The following JADE2 variants were observed in gnomAD, a reference collection of about 807,000 sequenced individuals.
The protein encoded by JADE2 is jade family PHD finger 2.
In JADE2, 13 loss-of-function variants were observed where a neutral mutation model predicts 85.7. The ratio of observed to expected loss-of-function variants is 0.15; its 90% CI spans 0.10 to 0.24. The LOEUF (loss-of-function observed/expected upper bound fraction) is 0.24, where lower values mean the gene tolerates loss of function less well. Among genes scored for constraint, JADE2 ranks in the 10% least tolerant of loss-of-function variants. The pLI is 1.00. For synonymous variants in JADE2, 440 were observed against 456.1 expected, an observed-to-expected ratio of 0.96 and a Z score of 0.45; for missense variants, 846 against 1,115.9, an observed-to-expected ratio of 0.76 and a Z score of 3.45.
rs1426563632 is a variant in JADE2 at position 134,562,826 on chromosome 5, G to T, written c.852+459G>T. On this transcript the variant is annotated intron_variant, in intron 7 of 11. Coordinates refer to ENST00000681547, the MANE Select transcript of JADE2 (RefSeq NM_001388185.1). This position sits in a 1 kb window ranked among gnomAD's most constrained non-coding sequence, Gnocchi z 4.6. ...GGTGATGGGCCAGCAAAGAATCCAGGCCGCAGCTATAGGGAGCTTTGCTTG... is the reference window on the plus strand; with the variant it reads ...GGTGATGGGCCAGCAAAGAATCCAGTCCGCAGCTATAGGGAGCTTTGCTTG... 1.3e-5 allele frequency among the ~76,000 whole-genome samples: 2 copies of T among 152,154 alleles called. No individual in the cohort carries two copies. Among genetic ancestry groups the T allele is most frequent in the Non-Finnish European group, 2.9e-5 (2 of 68,016 alleles).
Position 134,562,117 on chromosome 5 carries a change from G to A in JADE2, c.685-83G>A, listed in dbSNP as rs532670530. 195 of 1,364,710 alleles carry A rather than the reference G, an allele frequency of 1.4e-4. No individual in the cohort carries two copies. The African/African-American group carries it at 2.5e-3, about 17-fold the overall frequency. The allele number at this position is 1,364,710 out of a possible 1,614,324, so 84.5% of individuals were successfully genotyped here. A position where few individuals can be genotyped will look rare whatever the true frequency, so the allele number is the denominator to read the frequency against. On this transcript the variant is annotated intron_variant, in intron 6 of 11. Transcript: ENST00000681547. This position sits in a 1 kb window ranked among gnomAD's most constrained non-coding sequence, Gnocchi z 4.6. Reference sequence around the variant, plus strand: ...TGTGTAGCAGTGTAGCATGGGGCTGGCACTGGACCAAATGCAGCTGACTGC... The same window carrying A: ...TGTGTAGCAGTGTAGCATGGGGCTGACACTGGACCAAATGCAGCTGACTGC...
chr5:134,526,849 T>G, intron 1 of JADE2: 3 of 786,330 alleles, frequency 3.8e-6, no homozygotes, highest in Non-Finnish European at 4.6e-6. Context: ...GTAGTCCAGC[T>G]GGGGAGAGGC....
At chr5:134,573,340 C>G (rs2150014573) in intron 9 of JADE2, among the ~76,000 whole-genome samples, 1 of 152,258 alleles carries the variant, frequency 6.6e-6, no homozygotes, top group South Asian at 2.1e-4. Context: ...AGGTAAGACT[C>G]AGAGGAGGAA....
intron 1 of JADE2, among the ~76,000 whole-genome samples, chr5:134,531,883 C>CTTTTTTTT (rs1160758941): frequency 0.02 from 788 of 38,490 alleles, 217 homozygotes; most frequent in Middle Eastern, 0.062. Context: ...CCGTGCCTGG[C>CTTTTTTTT]TTTTTTTTTT....
intron 1 of JADE2, chr5:134,526,799 G>A: frequency 1.1e-5 from 11 of 976,430 alleles, no homozygotes; most frequent in Non-Finnish European, 1.3e-5. Flanking sequence ...CAGGGGTGAG[G>A]ACTGGGGTCG....
Position 134,535,852 on chromosome 5 carries a change from T to C in JADE2, c.1-6T>C. The C allele has an allele frequency of 1.2e-6, 2 of 1,613,968 alleles. No individual in the cohort carries two copies. The highest frequency in any genetic ancestry group is 1.7e-6 in the Non-Finnish European group (2 of 1,179,838). The stretch of plus-strand genomic sequence containing the variant: ...GTGAGTATAATGGGCTTGCCTTTTG[T>C]TGCAGATGGAAGAGAAGAGGCGAAA... On this transcript the variant is annotated splice_region_variant and splice_polypyrimidine_tract_variant and intron_variant, in intron 1 of 11. Transcript: ENST00000681547.
intron 1 of JADE2, among the ~76,000 whole-genome samples, chr5:134,531,064 T>C (rs1214370585): frequency 1.3e-5 from 2 of 152,140 alleles, no homozygotes; most frequent in African/African-American, 4.8e-5. Flanking sequence ...CCGTGGACAC[T>C]GGGTGGTGAA....
chr5:134,573,606 G>A (rs763415133), intron 9 of JADE2, 39 bp from the exon 10 acceptor site: 1 of 1,470,024 alleles, frequency 6.8e-7, no homozygotes, highest in Non-Finnish European at 9.5e-7. Flanking sequence ...TGGGGTGGTT[G>A]CCTGTGAGTA....
intron 7 of JADE2, chr5:134,564,167 T>C: frequency 5.1e-6 from 1 of 195,214 alleles, no homozygotes. Context: ...AAAGCACCTG[T>C]CTGTCAAGGC....
intron 1 of JADE2, chr5:134,526,826 C>G (rs954419259): frequency 1.9e-5 from 17 of 903,018 alleles, no homozygotes; most frequent in Non-Finnish European, 2.1e-5. Context: ...GCCTCCACCT[C>G]CGGGGCCGCG....
chr5:134,527,741 A>G (rs920713553), intron 1 of JADE2, among the ~76,000 whole-genome samples: 1 of 151,390 alleles, frequency 6.6e-6, no homozygotes, highest in Non-Finnish European at 1.5e-5. Flanking sequence ...GGCGCGCGCA[A>G]CTCCCCTCCC....
chr5:134,525,985 C>A lies in JADE2; in HGVS notation c.-27C>A. ...CAGCGGCGCGTAGCCGAGGGCAGCGCCCGTCAGGGGGGCACCGCGGAGCAA... is the reference window on the plus strand; with the variant it reads ...CAGCGGCGCGTAGCCGAGGGCAGCGACCGTCAGGGGGGCACCGCGGAGCAA... On this transcript the variant is annotated 5_prime_UTR_variant, in exon 1 of 12. Coordinates refer to ENST00000681547, the MANE Select transcript of JADE2 (RefSeq NM_001388185.1). The A allele has an allele frequency of 1.0e-6, 1 of 985,614 alleles. No homozygotes were observed. Among genetic ancestry groups the A allele is most frequent in the Non-Finnish European group, 1.2e-6 (1 of 830,136 alleles). The allele number at this position is 985,614 out of a possible 1,614,324, so 61.1% of individuals were successfully genotyped here.
At chr5:134,531,883 C>CTTTTTTTTTTTTTTTT (rs1160758941) in intron 1 of JADE2, among the ~76,000 whole-genome samples, 3 of 38,478 alleles carry the variant, frequency 7.8e-5, no homozygotes, top group Non-Finnish European at 1.4e-4. Flanking sequence ...CCGTGCCTGG[C>CTTTTTTTTTTTTTTTT]TTTTTTTTTT....
chr5:134,566,097 G>A lies in JADE2; in HGVS notation c.970-19G>A. 6.2e-7 allele frequency: 1 copy of A among 1,600,884 alleles called. No homozygotes were observed. Among genetic ancestry groups the A allele is most frequent in the South Asian group, 1.1e-5 (1 of 89,138 alleles). On this transcript the variant is annotated intron_variant, in intron 8 of 11. Transcript: ENST00000681547. This position sits in a 1 kb window ranked among gnomAD's most constrained non-coding sequence, Gnocchi z 6.7. ...CCAGGCTCCCTCCATGTCTGATCCT[G>A]CCCCTCCTTTCCCCTCAGTGTTCCA...
At chr5:134,535,730 G>A (rs1386349618) in intron 1 of JADE2, 128 bp from the exon 2 acceptor site, 3 of 760,216 alleles carry the variant, frequency 3.9e-6, no homozygotes, top group South Asian at 1.6e-5. Flanking sequence ...AGAAGGCTAG[G>A]ACAGGGCTTT....
At chr5:134,525,143 ATTTT>A (rs1196291309), upstream of JADE2, among the ~76,000 whole-genome samples, 14 of 146,732 alleles carry the variant, frequency 9.5e-5, no homozygotes, top group Admixed American at 6.8e-4. Context: ...GCGCCAAAAG[ATTTT>A]TTTAAGTATA....
At chr5:134,576,514 G>C (rs1194016624) in intron 10 of JADE2, among the ~76,000 whole-genome samples, 3 of 152,218 alleles carry the variant, frequency 2.0e-5, no homozygotes, top group Non-Finnish European at 4.4e-5. Context: ...TACAGGTTGT[G>C]CAGGTCAGAC....
At chr5:134,570,110 G>A (rs1038857970) in intron 9 of JADE2, among the ~76,000 whole-genome samples, 2 of 152,142 alleles carry the variant, frequency 1.3e-5, no homozygotes, top group Admixed American at 6.5e-5. Flanking sequence ...CCAGAACCCT[G>A]GCAGAGCCTC....
intron 4 of JADE2, among the ~76,000 whole-genome samples, chr5:134,556,958 A>G (rs1289290397): frequency 6.8e-6 from 1 of 147,124 alleles, no homozygotes; most frequent in East Asian, 2.0e-4. Context: ...CACACCACAC[A>G]CACACCTCAC....
Sources: allele counts gnomAD v4.1 joint callset (sites outside exome capture counted in the v4.1 genomes callset), GRCh38; gene constraint gnomAD v4.1.1; non-coding constraint Gnocchi (gnomAD v3.1); transcripts MANE v1.5; gene names NCBI Gene and HGNC (gene_info 2026-07-23, HGNC 2026-07-21).